The following MBNL1 variants were observed in gnomAD, a reference collection of about 807,000 sequenced individuals.
MBNL1 encodes muscleblind-like protein 1.
MBNL1 carries 8 observed loss-of-function variants against 42.2 expected under a neutral mutation model. That is an observed-to-expected ratio of 0.19 (90% CI 0.11 to 0.34). MBNL1 has a LOEUF of 0.34. Among genes scored for constraint, MBNL1 ranks in the 10% least tolerant of loss-of-function variants. The pLI is 1.00. For missense variants in MBNL1, 309 were observed against 495.3 expected, an observed-to-expected ratio of 0.62 and a Z score of 3.57; for synonymous variants, 169 against 173.9, an observed-to-expected ratio of 0.97 and a Z score of 0.22.
At chr3:152,271,661 A>G (rs532783600) in intron 1 of MBNL1, among the ~76,000 whole-genome samples, 2 of 152,278 alleles carry the variant, frequency 1.3e-5, no homozygotes, top group Admixed American at 6.5e-5. Context: ...ATGAGAGTCA[A>G]AAGAGTGGAG....
intron 4 of MBNL1, among the ~76,000 whole-genome samples, chr3:152,442,774 A>C (rs1332998306): frequency 6.6e-6 from 1 of 152,234 alleles, no homozygotes; most frequent in South Asian, 2.1e-4. Flanking sequence ...TCATGTTCCC[A>C]TAGGTACCCC....
intron 1 of MBNL1, among the ~76,000 whole-genome samples, chr3:152,293,956 C>CATAT (rs145053401): frequency 1.8e-4 from 27 of 150,352 alleles, no homozygotes; most frequent in Non-Finnish European, 1.6e-4. Context: ...CATATGAAGC[C>CATAT]ATATATATAT....
chr3:152,297,884 G>T (rs1167908542), intron 1 of MBNL1, among the ~76,000 whole-genome samples: 1 of 152,028 alleles, frequency 6.6e-6, no homozygotes, highest in East Asian at 1.9e-4. Context: ...TTGAACTCCT[G>T]ACCTTGTGAT....
At chr3:152,376,373 T>G (rs752461280) in intron 2 of MBNL1, among the ~76,000 whole-genome samples, 2 of 152,214 alleles carry the variant, frequency 1.3e-5, no homozygotes, top group Non-Finnish European at 2.9e-5. Flanking sequence ...GCTTTAATTG[T>G]TTATCTCCAT....
At chr3:152,446,705 C>T in intron 5 of MBNL1, 1 of 1,613,888 alleles carries the variant, frequency 6.2e-7, no homozygotes, top group Non-Finnish European at 8.5e-7. Context: ...CTAATTAAGA[C>T]TCAGTCGGCT....
At chr3:152,456,173 A>G in intron 7 of MBNL1, 94 bp from the exon 8 acceptor site, 5 of 855,022 alleles carry the variant, frequency 5.8e-6, no homozygotes, top group South Asian at 4.1e-5. Flanking sequence ...TTGCTGTGAT[A>G]AATACCATGC....
intron 2 of MBNL1, among the ~76,000 whole-genome samples, chr3:152,348,266 A>G (rs2094525156): frequency 6.6e-6 from 1 of 152,150 alleles, no homozygotes; most frequent in Non-Finnish European, 1.5e-5. Context: ...ATCAACAAAA[A>G]ATTTTTATTT....
chr3:152,340,389 G>A (rs2092835087), intron 2 of MBNL1: 2 of 1,017,622 alleles, frequency 2.0e-6, no homozygotes, highest in Non-Finnish European at 2.9e-6. Context: ...TGCCACCTCT[G>A]TAAGATTGTA....
chr3:152,259,780 G>T (rs755884921), intron 2 of MBNL1, among the ~76,000 whole-genome samples: 7 of 152,180 alleles, frequency 4.6e-5, no homozygotes, highest in Non-Finnish European at 7.4e-5. Flanking sequence ...AAATGAAGAA[G>T]AATTCAATGT....
intron 2 of MBNL1, among the ~76,000 whole-genome samples, chr3:152,307,819 C>T (rs2064025292): frequency 6.6e-6 from 1 of 152,072 alleles, no homozygotes; most frequent in Admixed American, 6.5e-5. Context: ...AAATGAATAT[C>T]CAAGACAAAT....
chr3:152,252,130 A>ATCTACCTTCCTT (rs2034655286), intron 2 of MBNL1, among the ~76,000 whole-genome samples: 3 of 107,702 alleles, frequency 2.8e-5, no homozygotes, highest in Non-Finnish European at 6.3e-5. Flanking sequence ...GAACAAACTA[A>ATCTACCTTCCTT]CCTACCTTCC....
chr3:152,385,383 A>T (rs150903945), intron 2 of MBNL1, among the ~76,000 whole-genome samples: 1 of 152,118 alleles, frequency 6.6e-6, no homozygotes, highest in African/African-American at 2.4e-5. Context: ...TAGTTCTTTG[A>T]TTTCAAAAAA....
At chr3:152,444,665 A>C (rs749365862) in intron 4 of MBNL1, among the ~76,000 whole-genome samples, 10 of 152,226 alleles carry the variant, frequency 6.6e-5, no homozygotes, top group Admixed American at 2.6e-4. Context: ...ACCAATCTAC[A>C]GACTTTAATC....
At chr3:152,378,452 GCAA>G (rs760786190) in intron 2 of MBNL1, among the ~76,000 whole-genome samples, 1 of 151,984 alleles carries the variant, frequency 6.6e-6, no homozygotes, top group Non-Finnish European at 1.5e-5. Context: ...ACAATATAAT[GCAA>G]CAACATGTTT....
intron 2 of MBNL1, among the ~76,000 whole-genome samples, chr3:152,409,270 AT>A: frequency 6.6e-6 from 1 of 152,252 alleles, no homozygotes; most frequent in South Asian, 2.1e-4. Context: ...GATACTTGTA[AT>A]TTTTAAATAA....
chr3:152,314,376 C>CTTTT (rs766855642), intron 2 of MBNL1, among the ~76,000 whole-genome samples: 1 of 138,752 alleles, frequency 7.2e-6, no homozygotes, highest in African/African-American at 2.6e-5. Context: ...TGCTCCAAGA[C>CTTTT]TTTTTTTTTT....
chr3:152,338,134 C>T, intron 2 of MBNL1: 2 of 984,468 alleles, frequency 2.0e-6, no homozygotes, highest in South Asian at 4.7e-5. Flanking sequence ...ATCTCCATAC[C>T]CACTTCATCC....
intron 2 of MBNL1, among the ~76,000 whole-genome samples, chr3:152,248,064 TG>T (rs1288024825): frequency 6.6e-6 from 1 of 152,002 alleles, no homozygotes; most frequent in Non-Finnish European, 1.5e-5. Flanking sequence ...AAAAATAAAT[TG>T]CAATATGATT....
At chr3:152,422,215 A>C (rs1443195049) in intron 3 of MBNL1, among the ~76,000 whole-genome samples, 1 of 151,706 alleles carries the variant, frequency 6.6e-6, no homozygotes, top group Non-Finnish European at 1.5e-5. Flanking sequence ...ACATAGTCTC[A>C]AAATAAAGGG....
Sources: gnomAD v4.1 joint callset for allele counts (sites outside exome capture counted in the v4.1 genomes callset) on GRCh38, gnomAD v4.1.1 for gene constraint, MANE v1.5 for transcripts, NCBI Gene and HGNC (gene_info 2026-07-23, HGNC 2026-07-21) for gene names.